Variants in SLC38A2 observed in about 807,000 individuals in gnomAD.
SLC38A2 encodes sodium-coupled neutral amino acid symporter 2.
A neutral mutation model predicts 61.5 loss-of-function variants in SLC38A2; 11 were observed. That is an observed-to-expected ratio of 0.18 (90% CI 0.11 to 0.30). The LOEUF (loss-of-function observed/expected upper bound fraction) is 0.30. SLC38A2 is among the 10% of genes least tolerant of loss of function. SLC38A2 has a pLI of 1.00. For missense variants in SLC38A2, 522 were observed against 600.4 expected, an observed-to-expected ratio of 0.87 and a Z score of 1.36; for synonymous variants, 217 against 212.5, an observed-to-expected ratio of 1.02 and a Z score of -0.18.
chr12:46,371,598 G>C (rs559726953), intron 1 of SLC38A2: 47 of 352,700 alleles, frequency 1.3e-4, no homozygotes, highest in Middle Eastern at 1.6e-3. Context: ...TGCGGCCGTC[G>C]AGGCCCCCTA....
chr12:46,362,208 A>G (rs1943088877), intron 15 of SLC38A2, 76 bp downstream of exon 15: 1 of 1,173,814 alleles, frequency 8.5e-7, no homozygotes, highest in African/African-American at 1.6e-5. Context: ...AATAACAGCT[A>G]TGAGAATAAA....
At chr12:46,364,993 A>G in intron 8 of SLC38A2, 114 bp downstream of exon 8, 1 of 1,015,212 alleles carries the variant, frequency 9.9e-7, no homozygotes, top group Non-Finnish European at 1.5e-6. Context: ...AGTCCCAAAG[A>G]TATACCTTTC....
rs1231570002 is a variant in SLC38A2, at chr12:46,360,495, T to C, written c.*616A>G. On this transcript the variant is annotated 3_prime_UTR_variant, in exon 16 of 16. Coordinates refer to ENST00000256689, the MANE Select transcript of SLC38A2 (RefSeq NM_018976.5). ...CTAAAAATTATTTTGGGTAAAAAAG[T>C]ATTTGGCTTATTATGCCTACAAAAA... 2.0e-5 allele frequency: 3 copies of C among 152,204 alleles called. No individual in the cohort carries two copies. Among genetic ancestry groups the C allele is most frequent in the African/African-American group, 7.2e-5 (3 of 41,466 alleles). 9.4% of individuals were successfully genotyped at this position (152,204 alleles called of 1,614,324 possible).
In SLC38A2 at chr12:46,364,461, A is replaced by G; in HGVS notation, c.801T>C (p.Leu267=). Residue 267 remains leucine (L), a synonymous_variant, in exon 10 of 16, where the codon CTT becomes CTC. Coordinates refer to ENST00000256689, the MANE Select transcript of SLC38A2 (RefSeq NM_018976.5). ...TCACGTTATGTGACAAAGCAGGTAC[A>G]AGAGCTGTTGGCTGTGTTAAGGTGG... is the stretch of plus-strand genomic sequence containing the variant. ...INTTLTQPTA[L]VPALSHNVTE... 6.2e-7 allele frequency: 1 copy of G among 1,612,992 alleles called. No homozygotes were observed. The highest frequency in any genetic ancestry group is 8.5e-7 in the Non-Finnish European group (1 of 1,179,410).
At chr12:46,366,678 T>C (rs1227104314) in intron 7 of SLC38A2, among the ~76,000 whole-genome samples, 186 bp downstream of exon 7, 7 of 152,224 alleles carry the variant, frequency 4.6e-5, no homozygotes, top group Admixed American at 3.9e-4. Context: ...GGCTAGCTAC[T>C]ATCTTTCGGC....
chr12:46,371,089 A>T, intron 2 of SLC38A2, 89 bp downstream of exon 2: 1 of 1,121,128 alleles, frequency 8.9e-7, no homozygotes, highest in Non-Finnish European at 1.4e-6. Flanking sequence ...TGCTATAGCA[A>T]ATTAAAGCAA....
At chr12:46,364,070 A>G in intron 10 of SLC38A2, 67 bp from the exon 11 acceptor site, 1 of 1,327,350 alleles carries the variant, frequency 7.5e-7, no homozygotes, top group Non-Finnish European at 1.0e-6. Flanking sequence ...TTTCCGCAGC[A>G]TATATTTTAT....
At chr12:46,369,453 T>C (rs1338840776) in intron 4 of SLC38A2, among the ~76,000 whole-genome samples, 2 of 152,156 alleles carry the variant, frequency 1.3e-5, no homozygotes, top group African/African-American at 4.8e-5. Flanking sequence ...TCATGAACAT[T>C]CTATCGTGCT....
chr12:46,365,282 T>G lies in SLC38A2; in HGVS notation c.564-93A>C, dbSNP rs560194795. The stretch of plus-strand genomic sequence containing the variant: ...CAGGACTCATTTCATAGGAATACCA[T>G]GAAAACAAACACACAAAAAAGACAT... On this transcript the variant is annotated intron_variant, in intron 7 of 15. Transcript: ENST00000256689. 1.1e-5 allele frequency: 11 copies of G among 988,594 alleles called. No individual in the cohort carries two copies. In the African/African-American group the frequency reaches 1.5e-4, roughly 13 times the overall value. The allele number at this position is 988,594 out of a possible 1,614,324, so 61.2% of individuals were successfully genotyped here.
Position 46,358,515 on chromosome 12 carries a change from C to T in SLC38A2, c.*2596G>A, listed in dbSNP as rs973590681. On this transcript the variant is annotated 3_prime_UTR_variant, in exon 16 of 16. Transcript: ENST00000256689. ...AATTTGATGTTGTTTATTGCAAATACAATTTAAACAAGTTTTTTTTAGTGT... is the reference window on the plus strand; with the variant it reads ...AATTTGATGTTGTTTATTGCAAATATAATTTAAACAAGTTTTTTTTAGTGT... 1 of 152,528 alleles carries T rather than the reference C, an allele frequency of 6.6e-6. No individual in the cohort carries two copies. The highest frequency in any genetic ancestry group is 6.6e-5 in the Admixed American group (1 of 15,266). 9.4% of individuals were successfully genotyped at this position (152,528 alleles called of 1,614,324 possible).
intron 4 of SLC38A2, among the ~76,000 whole-genome samples, chr12:46,369,290 C>T (rs1472795714): frequency 2.0e-5 from 3 of 152,204 alleles, no homozygotes; most frequent in Admixed American, 1.3e-4. Context: ...CTACGTAAAT[C>T]GCTGGTCCTT....
chr12:46,364,350 C>A, intron 10 of SLC38A2, 39 bp downstream of exon 10: 1 of 1,534,346 alleles, frequency 6.5e-7, no homozygotes, highest in South Asian at 1.3e-5. Flanking sequence ...CTTTTCTTCC[C>A]TAAACTCTTC....
rs545092625 is a variant in SLC38A2 at position 46,368,586 on chromosome 12, A to T, written c.315-1246T>A. On this transcript the variant is annotated intron_variant, in intron 4 of 15. Transcript: ENST00000256689. Reference sequence around the variant, plus strand: ...CATAGAAAACCTTGCAAAGGAGAAGAGTTACATGTTTTTTAATTCCGTATG... The same window carrying T: ...CATAGAAAACCTTGCAAAGGAGAAGTGTTACATGTTTTTTAATTCCGTATG... Among the ~76,000 whole-genome samples, 4 of 152,326 alleles carry T rather than the reference A, an allele frequency of 2.6e-5. No homozygotes were observed. The East Asian group carries it at 7.7e-4, about 29-fold the overall frequency.
chr12:46,360,764 A>T lies in SLC38A2; in HGVS notation c.*347T>A, dbSNP rs1466876499. ...CACATCAAATGGTTCCATTAGGCAC[A>T]TTCAAGTAAAATCATAAAATATCCA... is the stretch of plus-strand genomic sequence containing the variant. On this transcript the variant is annotated 3_prime_UTR_variant, in exon 16 of 16. Transcript: ENST00000256689. 1 of 219,412 alleles carries T rather than the reference A, an allele frequency of 4.6e-6. No individual in the cohort carries two copies. The highest frequency in any genetic ancestry group is 2.3e-5 in the African/African-American group (1 of 43,676). The allele number at this position is 219,412 out of a possible 1,614,324, so 13.6% of individuals were successfully genotyped here.
intron 15 of SLC38A2, chr12:46,361,876 C>G (rs546810892): frequency 6.2e-6 from 1 of 161,276 alleles, no homozygotes; most frequent in Admixed American, 6.3e-5. Flanking sequence ...AGACGGCCTC[C>G]CTGAGAGCTT....
chr12:46,364,612 A>C (rs369179807), intron 9 of SLC38A2, 32 bp downstream of exon 9: 9 of 1,596,358 alleles, frequency 5.6e-6, no homozygotes, highest in African/African-American at 2.7e-5. Context: ...GGGCTTATAA[A>C]AAATTTTTTC....
intron 12 of SLC38A2, 143 bp downstream of exon 12, chr12:46,363,583 T>A (rs1943106462): frequency 1.9e-6 from 1 of 529,030 alleles, no homozygotes; most frequent in Non-Finnish European, 3.3e-6. Flanking sequence ...GCTCTAAATT[T>A]AATTTCTCAT....
At chr12:46,365,983 A>G (rs1157175617) in intron 7 of SLC38A2, among the ~76,000 whole-genome samples, 1 of 152,162 alleles carries the variant, frequency 6.6e-6, no homozygotes, top group East Asian at 1.9e-4. Context: ...CTTAAAGATC[A>G]GCTTAAAAAA....
Position 46,372,608 on chromosome 12 carries a change from C to G in SLC38A2, c.-186G>C. 1 of 398,412 alleles carries G rather than the reference C, an allele frequency of 2.5e-6. No individual in the cohort carries two copies. Among genetic ancestry groups the G allele is most frequent in the Non-Finnish European group, 4.4e-6 (1 of 225,886 alleles). 24.7% of individuals were successfully genotyped at this position (398,412 alleles called of 1,614,324 possible). ...CAAAAAATTTCCCCAAATCCAACAA[C>G]AGGCAGGAAAAATAATTTTAATAAA... is the stretch of plus-strand genomic sequence containing the variant. On this transcript the variant is annotated 5_prime_UTR_variant, in exon 1 of 16. Transcript: ENST00000256689.
Sources: gnomAD v4.1 joint callset for allele counts (sites outside exome capture counted in the v4.1 genomes callset) on GRCh38, gnomAD v4.1.1 for gene constraint, MANE v1.5 for transcripts, NCBI Gene and HGNC (gene_info 2026-07-23, HGNC 2026-07-21) for gene names.